The following ANKS1B variants were observed in gnomAD, a reference collection of about 807,000 sequenced individuals.
ANKS1B encodes the protein ankyrin repeat and sterile alpha motif domain containing 1B.
Under a neutral mutation model 148.3 loss-of-function variants are expected in ANKS1B, and 36 were observed. The ratio of observed to expected loss-of-function variants is 0.24; its 90% CI spans 0.19 to 0.32. ANKS1B has a LOEUF of 0.32. ANKS1B is among the 10% of genes least tolerant of loss of function. ANKS1B has a pLI of 1.00. For missense variants in ANKS1B, 1,157 were observed against 1,542.6 expected (o/e 0.75, Z 4.19); for synonymous variants, 542 against 560.8 (o/e 0.97, Z 0.47).
intron 17 of ANKS1B, among the ~76,000 whole-genome samples, chr12:98,887,239 A>T (rs890212390): frequency 6.6e-6 from 1 of 152,258 alleles, no homozygotes; most frequent in Non-Finnish European, 1.5e-5. Flanking sequence ...TGGAATATGC[A>T]GCTTAAAAAT....
At chr12:98,853,180 T>C (rs1213633547) in intron 17 of ANKS1B, among the ~76,000 whole-genome samples, 2 of 152,100 alleles carry the variant, frequency 1.3e-5, no homozygotes, top group Non-Finnish European at 2.9e-5. Context: ...TCCTAAAATA[T>C]GAAAACCCGG....
chr12:99,453,369 T>G (rs529943500), intron 10 of ANKS1B, among the ~76,000 whole-genome samples: 2 of 152,280 alleles, frequency 1.3e-5, no homozygotes, highest in Non-Finnish European at 2.9e-5. Flanking sequence ...AGACTGTGGC[T>G]TCCGTCTTGT....
At chr12:99,851,863 C>A (rs181907928) in intron 1 of ANKS1B, among the ~76,000 whole-genome samples, 1 of 152,136 alleles carries the variant, frequency 6.6e-6, no homozygotes, top group Non-Finnish European at 1.5e-5. Context: ...CTATTCAGAA[C>A]CCTTCAGAGA....
chr12:99,502,708 T>C (rs552409091), intron 10 of ANKS1B, among the ~76,000 whole-genome samples: 1 of 152,310 alleles, frequency 6.6e-6, no homozygotes, highest in South Asian at 2.1e-4. Flanking sequence ...CCTCACAGCA[T>C]TGTAAGAATC....
intron 1 of ANKS1B, among the ~76,000 whole-genome samples, chr12:99,833,249 G>A (rs1264402515): frequency 1.3e-5 from 2 of 152,164 alleles, no homozygotes; most frequent in African/African-American, 4.8e-5. Flanking sequence ...ATTTTATTCT[G>A]CAGCAACTTG....
At chr12:99,574,592 G>C (rs2097497258) in intron 9 of ANKS1B, among the ~76,000 whole-genome samples, 2 of 151,838 alleles carry the variant, frequency 1.3e-5, no homozygotes, top group African/African-American at 4.8e-5. Flanking sequence ...TTATGACCAA[G>C]TGAGGTTTAT....
intron 9 of ANKS1B, among the ~76,000 whole-genome samples, chr12:99,647,178 A>G (rs1377461052): frequency 6.6e-6 from 1 of 152,158 alleles, no homozygotes; most frequent in African/African-American, 2.4e-5. Context: ...CACCTATACT[A>G]TGAGTTTGAA....
At chr12:99,362,274 T>C (rs915089368) in intron 12 of ANKS1B, among the ~76,000 whole-genome samples, 1 of 152,118 alleles carries the variant, frequency 6.6e-6, no homozygotes, top group African/African-American at 2.4e-5. Flanking sequence ...GAGTTAAAAT[T>C]TCCTGTCAGT....
intron 9 of ANKS1B, among the ~76,000 whole-genome samples, chr12:99,566,482 T>A (rs1008955603): frequency 6.6e-6 from 1 of 152,192 alleles, no homozygotes; most frequent in Admixed American, 6.5e-5. Context: ...TAAGGGTCTG[T>A]TCATGGCAAC....
chr12:99,276,432 G>A (rs1256976986), intron 12 of ANKS1B, among the ~76,000 whole-genome samples: 1 of 152,164 alleles, frequency 6.6e-6, no homozygotes, highest in Non-Finnish European at 1.5e-5. Context: ...TATTACTGAT[G>A]TCCTTATAAA....
chr12:99,628,787 G>C (rs1330094315), intron 9 of ANKS1B, among the ~76,000 whole-genome samples: 1 of 152,124 alleles, frequency 6.6e-6, no homozygotes, highest in African/African-American at 2.4e-5. Context: ...CAAGAGCAGA[G>C]GGAGCCAAAC....
intron 14 of ANKS1B, among the ~76,000 whole-genome samples, chr12:99,210,187 C>A (rs1532216): frequency 0.25 from 38,373 of 151,904 alleles, 5,026 homozygotes; most frequent in African/African-American, 0.29. Context: ...TGTTCCTGAC[C>A]AAAATCAGCC....
At chr12:99,815,553 C>A (rs2068997939) in intron 2 of ANKS1B, among the ~76,000 whole-genome samples, 1 of 151,354 alleles carries the variant, frequency 6.6e-6, no homozygotes, top group Non-Finnish European at 1.5e-5. Context: ...ATGGGTAACA[C>A]TTTAGTGGTA....
At chr12:99,707,278 C>A (rs1567685164) in intron 8 of ANKS1B, among the ~76,000 whole-genome samples, 1 of 152,030 alleles carries the variant, frequency 6.6e-6, no homozygotes, top group Non-Finnish European at 1.5e-5. Context: ...ACCTAAGGTT[C>A]AGCACGGCAA....
chr12:99,502,005 T>G (rs1209984860), intron 10 of ANKS1B, among the ~76,000 whole-genome samples: 1 of 152,166 alleles, frequency 6.6e-6, no homozygotes, highest in Admixed American at 6.5e-5. Flanking sequence ...TGATCAGCCT[T>G]GTTATCTGTG....
intron 12 of ANKS1B, among the ~76,000 whole-genome samples, chr12:99,359,684 T>C (rs1451806212): frequency 6.6e-6 from 1 of 152,092 alleles, no homozygotes; most frequent in Non-Finnish European, 1.5e-5. Flanking sequence ...GAATGCAAAA[T>C]ATGATGTCAT....
intron 16 of ANKS1B, among the ~76,000 whole-genome samples, chr12:99,068,340 T>C (rs56060015): frequency 0.097 from 14,737 of 152,124 alleles, 1,793 homozygotes; most frequent in African/African-American, 0.28. Flanking sequence ...CTGCTAACCA[T>C]CTAAGCTATT....
chr12:99,842,379 C>G (rs1403712076), intron 1 of ANKS1B, among the ~76,000 whole-genome samples: 1 of 152,056 alleles, frequency 6.6e-6, no homozygotes, highest in Non-Finnish European at 1.5e-5. Context: ...TTACATGTGA[C>G]AAAAGTTCTT....
intron 17 of ANKS1B, among the ~76,000 whole-genome samples, chr12:98,889,102 G>T (rs910872725): frequency 3.3e-5 from 5 of 152,198 alleles, no homozygotes; most frequent in Non-Finnish European, 7.3e-5. Context: ...TCTTTAAAAT[G>T]AGTCACAGTA....
Sources: gnomAD v4.1 joint callset for allele counts (sites outside exome capture counted in the v4.1 genomes callset) on GRCh38, gnomAD v4.1.1 for gene constraint, MANE v1.5 for transcripts, NCBI Gene and HGNC (gene_info 2026-07-23, HGNC 2026-07-21) for gene names.